The following SCLY variants were observed in gnomAD, a reference collection of about 807,000 sequenced individuals.
The protein encoded by SCLY is putative selenocysteine lyase.
SCLY carries 38 observed loss-of-function variants against 50.1 expected under a neutral mutation model. The observed-to-expected ratio is 0.76, with a 90% CI of 0.59 to 0.99. The LOEUF (loss-of-function observed/expected upper bound fraction) is 0.99, where lower values mean the gene tolerates loss of function less well. SCLY is among the 50% of genes least tolerant of loss of function. The pLI is 0.00. For missense variants in SCLY, 600 were observed against 620.0 expected (o/e 0.97, Z 0.34); for synonymous variants, 243 against 249.4 (o/e 0.97, Z 0.24).
At chr2:238,061,168 G>C (rs2065013242) in intron 1 of SCLY, 25 bp downstream of exon 1, 5 of 1,468,928 alleles carry the variant, frequency 3.4e-6, no homozygotes, top group Non-Finnish European at 4.6e-6. Flanking sequence ...GGCAGGGCTG[G>C]GGAGCGGCCG....
Position 238,069,082 on chromosome 2 carries a change from A to G in SCLY, c.304-215A>G, listed in dbSNP as rs377306562. ...ATATAAATTCTTAAAAATTAATAAT[A>G]TTGCTTAACTATAAAACAGACATAA... On this transcript the variant is annotated intron_variant, in intron 3 of 11. Coordinates refer to ENST00000254663, the MANE Select transcript of SCLY (RefSeq NM_016510.7). This position sits in a 1 kb window ranked among gnomAD's most constrained non-coding sequence, Gnocchi z 5.0. Among the ~76,000 whole-genome samples the G allele has an allele frequency of 3.9e-5, 6 of 152,244 alleles. No individual in the cohort carries two copies. The highest frequency in any genetic ancestry group is 1.4e-4 in the African/African-American group (6 of 41,456).
chr2:238,081,523 A>G (rs2065237039), intron 4 of SCLY, 186 bp from the exon 5 acceptor site: 1 of 712,946 alleles, frequency 1.4e-6, no homozygotes, highest in Non-Finnish European at 2.2e-6. Context: ...ACACGTTCAC[A>G]CTGAAGCACC....
At position 238,098,623 on chromosome 2, in the gene SCLY, C is replaced by CCGCCCACATGGGAA. The variant is rs1559254711; in HGVS notation, c.*281_*282insACGCCCACATGGGA. 2.6e-3 allele frequency: 619 copies of CCGCCCACATGGGAA among 239,058 alleles called. 23 individuals are homozygous for CCGCCCACATGGGAA. The highest frequency in any genetic ancestry group is 0.011 in the East Asian group (233 of 20,950). The allele number at this position is 239,058 out of a possible 1,614,324, so 14.8% of individuals were successfully genotyped here. A position where few individuals can be genotyped will look rare whatever the true frequency, so the allele number is the denominator to read the frequency against. ...CCCACATAGGACCGCCCACATGGGA[C>CCGCCCACATGGGAA]CGCCCACATGGGACCGCCCACATGG... On this transcript the variant is annotated 3_prime_UTR_variant, in exon 12 of 12. Coordinates refer to ENST00000254663, the MANE Select transcript of SCLY (RefSeq NM_016510.7).
chr2:238,082,541 G>A (rs1468095165), intron 6 of SCLY, among the ~76,000 whole-genome samples: 3 of 152,224 alleles, frequency 2.0e-5, no homozygotes, highest in Non-Finnish European at 4.4e-5. Flanking sequence ...CTCTGCAGCG[G>A]ACAGGGCATC....
At position 238,098,420 on chromosome 2, in the gene SCLY, C is replaced by T. The variant is rs75963272; in HGVS notation, c.*65C>T. 4.1e-3 allele frequency: 6,072 copies of T among 1,479,152 alleles called. 211 individuals are homozygous for T. The African/African-American group carries it at 0.075, about 18-fold the overall frequency. The allele number at this position is 1,479,152 out of a possible 1,614,324, so 91.6% of individuals were successfully genotyped here. The stretch of plus-strand genomic sequence containing the variant: ...GTGGCAGGGCACAGGGTTGTCCCTC[C>T]AGTTCCCTCCTGAGGGCTGTGCCAG... On this transcript the variant is annotated 3_prime_UTR_variant, in exon 12 of 12. Coordinates refer to ENST00000254663, the MANE Select transcript of SCLY (RefSeq NM_016510.7).
intron 4 of SCLY, among the ~76,000 whole-genome samples, chr2:238,071,689 G>A (rs1056295230): frequency 2.6e-5 from 4 of 152,182 alleles, no homozygotes; most frequent in Non-Finnish European, 5.9e-5. Flanking sequence ...TTTGCCTTGA[G>A]TTCTTCTTGT....
intron 10 of SCLY, 115 bp from the exon 11 acceptor site, chr2:238,096,686 C>A: frequency 8.7e-7 from 1 of 1,154,262 alleles, no homozygotes; most frequent in Non-Finnish European, 1.3e-6. Context: ...TGCTGGAATT[C>A]CACCAGGTGG....
chr2:238,091,985 G>T (rs950145866), intron 8 of SCLY: 1 of 152,348 alleles, frequency 6.6e-6, no homozygotes, highest in African/African-American at 2.4e-5. Flanking sequence ...TAGCGCCCAG[G>T]AGGCCGGGCC....
chr2:238,065,660 T>TTTTTTATTATGATTA (rs71402758), intron 2 of SCLY, among the ~76,000 whole-genome samples: 1 of 143,514 alleles, frequency 7.0e-6, no homozygotes, highest in South Asian at 2.2e-4. Context: ...AATATTTTAT[T>TTTTTTATTATGATTA]TTATTATTAT....
At chr2:238,084,220 C>A (rs2065266088) in intron 7 of SCLY, among the ~76,000 whole-genome samples, 1 of 152,200 alleles carries the variant, frequency 6.6e-6, no homozygotes, top group Admixed American at 6.5e-5. Context: ...TCAGTAGAGA[C>A]CATATCGGGA....
chr2:238,093,356 G>C (rs11678255), intron 8 of SCLY: 10,724 of 159,976 alleles, frequency 0.067, 369 homozygotes, highest in Middle Eastern at 0.091. Flanking sequence ...AGGGCCTGTC[G>C]ATCTGTCCCT....
chr2:238,098,938 C>T lies in SCLY; in HGVS notation c.*583C>T, dbSNP rs1691376784. ...CCAAAGCTGCCCCCACCACCCTGCT[C>T]CTCTGGCCTCAGTGCACAGTGGCCC... On this transcript the variant is annotated 3_prime_UTR_variant, in exon 12 of 12. Transcript: ENST00000254663. 1 of 238,442 alleles carries T rather than the reference C, an allele frequency of 4.2e-6. No individual in the cohort carries two copies. Among genetic ancestry groups the T allele is most frequent in the Non-Finnish European group, 8.2e-6 (1 of 121,464 alleles). The allele number at this position is 238,442 out of a possible 1,614,324, so 14.8% of individuals were successfully genotyped here.
intron 7 of SCLY, among the ~76,000 whole-genome samples, chr2:238,089,452 A>G (rs1340927176): frequency 1.3e-5 from 2 of 152,188 alleles, no homozygotes; most frequent in Admixed American, 6.5e-5. Flanking sequence ...AGTTCAGCAG[A>G]TGAAAGTTAG....
At chr2:238,062,210 T>C (rs2065024896) in intron 1 of SCLY, among the ~76,000 whole-genome samples, 5 of 152,308 alleles carry the variant, frequency 3.3e-5, no homozygotes, top group Middle Eastern at 3.4e-3. Flanking sequence ...CAGCAGCAGA[T>C]TGAAGAGCTA....
intron 11 of SCLY, 125 bp from the exon 12 acceptor site, chr2:238,098,077 C>T (rs957498010): frequency 8.8e-7 from 1 of 1,139,430 alleles, no homozygotes. Context: ...GAGGTGGATG[C>T]CAGGCGAGGC....
rs2065441360 is a variant in SCLY, at chr2:238,096,789, CT to C, written c.1109-11del. 6.2e-7 allele frequency: 1 copy of C among 1,604,900 alleles called. No individual in the cohort carries two copies. The highest frequency in any genetic ancestry group is 1.3e-5 in the African/African-American group (1 of 74,938). On this transcript the variant is annotated splice_polypyrimidine_tract_variant and intron_variant, in intron 10 of 11. Coordinates refer to ENST00000254663, the MANE Select transcript of SCLY (RefSeq NM_016510.7). ...GAGCCCCATCTCAGGGGCATGTGCT[CT>C]GTCTCCGCAGGCCACGTGGTGCTTG...
At position 238,082,121 on chromosome 2, in the gene SCLY, T is replaced by G. The variant is rs745554562; in HGVS notation, c.689T>G (p.Val230Gly). 8.7e-6 allele frequency: 14 copies of G among 1,613,196 alleles called. No individual in the cohort carries two copies. The Admixed American group carries it at 2.2e-4, about 25-fold the overall frequency. ...GCAGCTGGGCTACCTCCCATCCTCG[T>G]GCACACGGATGCTGCACAGGCCTTG... Reference protein sequence around the residue: ...RVAAGLPPILVHTDAAQALGK... With the variant: ...RVAAGLPPILGHTDAAQALGK... The change falls in exon 6 of 12, where the codon GTG becomes GGG. Residue 230 changes from valine (V) to glycine (G), a missense_variant. By Grantham distance (109) the Val-to-Gly change is moderately radical. Transcript: ENST00000254663.
Position 238,098,185 on chromosome 2 carries a change from G to T in SCLY, c.1185-17G>T, listed in dbSNP as rs368703085. 2.5e-6 allele frequency: 4 copies of T among 1,606,186 alleles called. No homozygotes were observed. Among genetic ancestry groups the T allele is most frequent in the African/African-American group, 2.7e-5 (2 of 74,794 alleles). The stretch of plus-strand genomic sequence containing the variant: ...GTGCCCTCAGCAGCAGCTGCAGCTC[G>T]GTCTCGCCCTCCCCAGGCCGTCCCC... On this transcript the variant is annotated splice_polypyrimidine_tract_variant and intron_variant, in intron 11 of 11. Transcript: ENST00000254663.
chr2:238,061,053 G>A lies in SCLY; in HGVS notation c.-2G>A. The A allele has an allele frequency of 7.2e-7, 1 of 1,386,730 alleles. No individual in the cohort carries two copies. The highest frequency in any genetic ancestry group is 9.3e-7 in the Non-Finnish European group (1 of 1,079,998). The allele number at this position is 1,386,730 out of a possible 1,614,324, so 85.9% of individuals were successfully genotyped here. ...TGGATGCCCGGCAGCAGTGGGGCGGGGATGGAGGCGGCCGTGGCGCCGGGG... is the reference window on the plus strand; with the variant it reads ...TGGATGCCCGGCAGCAGTGGGGCGGAGATGGAGGCGGCCGTGGCGCCGGGG... On this transcript the variant is annotated 5_prime_UTR_variant, in exon 1 of 12. Coordinates refer to ENST00000254663, the MANE Select transcript of SCLY (RefSeq NM_016510.7).
Sources: gnomAD v4.1 joint callset for allele counts (sites outside exome capture counted in the v4.1 genomes callset) on GRCh38, gnomAD v4.1.1 for gene constraint, Gnocchi (gnomAD v3.1) non-coding constraint, MANE v1.5 for transcripts, NCBI Gene and HGNC (gene_info 2026-07-23, HGNC 2026-07-21) for gene names.